The following HK1 variants were observed in gnomAD, a reference collection of about 807,000 sequenced individuals.
HK1 encodes hexokinase 1.
HK1 carries 28 observed loss-of-function variants against 91.6 expected under a neutral mutation model. That is an observed-to-expected ratio of 0.31 (90% CI 0.23 to 0.42). The LOEUF (loss-of-function observed/expected upper bound fraction) is 0.42. HK1 is among the 10% of genes least tolerant of loss of function. The pLI is 1.00. For synonymous variants in HK1, 430 were observed against 468.1 expected, an observed-to-expected ratio of 0.92 and a Z score of 1.05; for missense variants, 770 against 1,219.8, an observed-to-expected ratio of 0.63 and a Z score of 5.49.
intron 2 of HK1, among the ~76,000 whole-genome samples, chr10:69,359,235 G>A (rs917015096): frequency 6.6e-6 from 1 of 152,174 alleles, no homozygotes; most frequent in East Asian, 1.9e-4. Flanking sequence ...CTGAGGGTGA[G>A]GGGAAATGGA....
chr10:69,333,276 C>G (rs1847822836), intron 1 of HK1, among the ~76,000 whole-genome samples: 1 of 152,252 alleles, frequency 6.6e-6, no homozygotes, highest in African/African-American at 2.4e-5. Context: ...GGTTGTCTCA[C>G]AGTGAAAGTA....
chr10:69,280,595 A>G (rs1394310603), intron 1 of HK1, among the ~76,000 whole-genome samples: 1 of 152,190 alleles, frequency 6.6e-6, no homozygotes, highest in Non-Finnish European at 1.5e-5. Flanking sequence ...GCCCTCACGA[A>G]TGTGATTCAT....
At chr10:69,385,025 A>C (rs1839567884) in intron 12 of HK1, 110 bp downstream of exon 12, 1 of 1,142,054 alleles carries the variant, frequency 8.8e-7, no homozygotes, top group African/African-American at 1.5e-5. Flanking sequence ...CCTAGATGAC[A>C]GTCACAGTCA....
chr10:69,334,657 G>A (rs559857888), intron 1 of HK1, among the ~76,000 whole-genome samples: 1 of 152,078 alleles, frequency 6.6e-6, no homozygotes, highest in Non-Finnish European at 1.5e-5. Flanking sequence ...ACCCAACCTG[G>A]CCCAGGAGCC....
intron 1 of HK1, chr10:69,282,427 T>C (rs754548299): frequency 4.6e-5 from 7 of 152,240 alleles, no homozygotes; most frequent in Admixed American, 3.3e-4. Flanking sequence ...CATCCAAGGA[T>C]GCCTTCCTTC....
intron 2 of HK1, among the ~76,000 whole-genome samples, chr10:69,350,458 C>T (rs908758794): frequency 1.3e-4 from 19 of 151,970 alleles, no homozygotes; most frequent in African/African-American, 2.4e-4. Context: ...GTCAAGAGAT[C>T]GAGACCATCC....
At chr10:69,367,019 C>T (rs754647616) in intron 4 of HK1, among the ~76,000 whole-genome samples, 3 of 152,296 alleles carry the variant, frequency 2.0e-5, no homozygotes, top group East Asian at 1.9e-4. Context: ...CAGTAGGTCC[C>T]GTAACAGCAG....
At chr10:69,297,909 G>GA (rs1321611599) in intron 4 of HK1, among the ~76,000 whole-genome samples, 9 of 133,086 alleles carry the variant, frequency 6.8e-5, no homozygotes, top group Non-Finnish European at 4.8e-5. Context: ...AAAAAAAAAA[G>GA]AAAAAAAAGT....
intron 2 of HK1, among the ~76,000 whole-genome samples, chr10:69,283,291 A>T (rs1244299185): frequency 5.4e-5 from 6 of 110,524 alleles, no homozygotes; most frequent in African/African-American, 1.1e-4. Context: ...TACCAAAATT[A>T]AAAAAAAAAA....
intron 5 of HK1, among the ~76,000 whole-genome samples, chr10:69,310,398 G>T (rs369135594): frequency 6.8e-6 from 1 of 147,812 alleles, no homozygotes; most frequent in Non-Finnish European, 1.5e-5. Flanking sequence ...TGCAACCTGG[G>T]TGACAGAGCC....
upstream of HK1, among the ~76,000 whole-genome samples, chr10:69,312,688 GAGAC>G (rs1846431894): frequency 6.6e-6 from 1 of 152,150 alleles, no homozygotes; most frequent in Non-Finnish European, 1.5e-5. Context: ...ATAAGCCCGA[GAGAC>G]AGACAGGCAT....
At chr10:69,326,969 A>T (rs1489214140) in intron 1 of HK1, among the ~76,000 whole-genome samples, 1 of 151,370 alleles carries the variant, frequency 6.6e-6, no homozygotes, top group African/African-American at 2.4e-5. Context: ...GTGTTTAAGC[A>T]ATATATGGTA....
chr10:69,384,639 C>T, intron 11 of HK1, 157 bp from the exon 12 acceptor site: 2 of 1,403,230 alleles, frequency 1.4e-6, no homozygotes, highest in South Asian at 2.3e-5. Flanking sequence ...GCTTGTGACA[C>T]TCTGGTGGCT....
intron 2 of HK1, among the ~76,000 whole-genome samples, chr10:69,357,816 T>C (rs1849207486): frequency 1.3e-5 from 2 of 152,076 alleles, no homozygotes; most frequent in South Asian, 4.1e-4. Flanking sequence ...AGAAAATAGA[T>C]TAGTGGTTGC....
chr10:69,335,099 G>A (rs117725038), intron 1 of HK1, among the ~76,000 whole-genome samples: 3,112 of 152,206 alleles, frequency 0.02, 107 homozygotes, highest in African/African-American at 0.065. Flanking sequence ...TCCCCTCGTG[G>A]CCATTTCCCT....
intron 3 of HK1, among the ~76,000 whole-genome samples, chr10:69,293,948 G>A (rs1158032408): frequency 3.7e-5 from 5 of 135,566 alleles, no homozygotes; most frequent in Admixed American, 8.7e-5. Context: ...TGCAAGCTCC[G>A]CCTCCCGGGT....
At chr10:69,371,668 C>CCAAA (rs1319212848) in intron 7 of HK1, among the ~76,000 whole-genome samples, 2 of 152,216 alleles carry the variant, frequency 1.3e-5, no homozygotes, top group African/African-American at 4.8e-5. Flanking sequence ...TCCTTGGTTC[C>CCAAA]CAGTTTGGGA....
chr10:69,294,251 G>A (rs868239908), intron 3 of HK1, among the ~76,000 whole-genome samples: 8 of 152,224 alleles, frequency 5.3e-5, no homozygotes, highest in South Asian at 2.1e-4. Flanking sequence ...TGGAGTTGCT[G>A]TGAGTGGAGA....
intron 1 of HK1, chr10:69,338,365 C>T: frequency 8.4e-7 from 1 of 1,191,170 alleles, no homozygotes; most frequent in Non-Finnish European, 1.1e-6. Context: ...GGACTGGGCG[C>T]CTTCCCATTT....
Sources: gnomAD v4.1 joint callset for allele counts (sites outside exome capture counted in the v4.1 genomes callset) on GRCh38, gnomAD v4.1.1 for gene constraint, MANE v1.5 for transcripts, NCBI Gene and HGNC (gene_info 2026-07-23, HGNC 2026-07-21) for gene names.